Variants in ZBTB38 observed in about 807,000 individuals in gnomAD.
ZBTB38 encodes zinc finger and BTB domain containing 38.
Under a neutral mutation model 76.8 loss-of-function variants are expected in ZBTB38, and 20 were observed. That is an observed-to-expected ratio of 0.26 (90% CI 0.18 to 0.38). The LOEUF (loss-of-function observed/expected upper bound fraction) is 0.38, where lower values mean the gene tolerates loss of function less well. ZBTB38 is among the 10% of genes least tolerant of loss of function. The pLI is 1.00. For missense variants in ZBTB38, 1,082 were observed against 1,482.3 expected, an observed-to-expected ratio of 0.73 and a Z score of 4.43; for synonymous variants, 504 against 544.2, an observed-to-expected ratio of 0.93 and a Z score of 1.03.
intron 1 of ZBTB38, among the ~76,000 whole-genome samples, chr3:141,361,310 C>T (rs911652224): frequency 1.3e-5 from 2 of 152,080 alleles, no homozygotes; most frequent in African/African-American, 4.8e-5. Context: ...AATCATGCCT[C>T]TAAAAAAAGA....
At chr3:141,382,145 C>A (rs987552484) in intron 3 of ZBTB38, among the ~76,000 whole-genome samples, 2 of 152,164 alleles carry the variant, frequency 1.3e-5, no homozygotes, top group Admixed American at 6.5e-5. Context: ...ATCCTAGCTA[C>A]TCAGGAGGCT....
Position 141,442,246 on chromosome 3 carries a change from G to A in ZBTB38, c.1-143G>A, listed in dbSNP as rs373406355. ...GATTTAGCTTCTAATGTTGACTCTT[G>A]AGTCTCGGGAGCATCAACAGAATGA... On this transcript the variant is annotated intron_variant, in intron 5 of 5. Transcript: ENST00000321464. This position sits in a 1 kb window ranked among gnomAD's most constrained non-coding sequence, Gnocchi z 6.4. 1.5e-5 allele frequency: 9 copies of A among 619,672 alleles called. No homozygotes were observed. The African/African-American group carries it at 1.5e-4, about 10-fold the overall frequency. The allele number at this position is 619,672 out of a possible 1,614,324, so 38.4% of individuals were successfully genotyped here.
chr3:141,364,909 T>C (rs1284075164), upstream of ZBTB38, among the ~76,000 whole-genome samples: 1 of 152,078 alleles, frequency 6.6e-6, no homozygotes, highest in Non-Finnish European at 1.5e-5. Flanking sequence ...GGTGAGGATG[T>C]GGGGAAATCA....
intron 1 of ZBTB38, among the ~76,000 whole-genome samples, chr3:141,333,605 G>C (rs1250624611): frequency 5.3e-5 from 8 of 152,114 alleles, no homozygotes; most frequent in Non-Finnish European, 1.2e-4. Context: ...CACCAACAGG[G>C]CTGGCTGCAG....
chr3:141,385,559 T>C (rs1946861662), intron 3 of ZBTB38, among the ~76,000 whole-genome samples: 2 of 152,152 alleles, frequency 1.3e-5, no homozygotes, highest in African/African-American at 4.8e-5. Flanking sequence ...CGTATTTGCT[T>C]ATTAGGCATT....
At chr3:141,421,896 G>A (rs2150186842) in intron 5 of ZBTB38, among the ~76,000 whole-genome samples, 1 of 152,336 alleles carries the variant, frequency 6.6e-6, no homozygotes, top group Non-Finnish European at 1.5e-5. Context: ...GGCTACCTGG[G>A]ACCCAGGAGC....
At position 141,446,082 on chromosome 3, in the gene ZBTB38, T is replaced by TA; in HGVS notation, c.*106_*107insA. On this transcript the variant is annotated 3_prime_UTR_variant, in exon 6 of 6. Transcript: ENST00000321464. ...ATGTGACAGTCATGAAGGAGTGAAA[T>TA]TAAAAAAAAAAAAAACTCATTTGTG... 2 of 920,538 alleles carry TA rather than the reference T, an allele frequency of 2.2e-6. No individual in the cohort carries two copies. 57.0% of individuals were successfully genotyped at this position (920,538 alleles called of 1,614,324 possible).
chr3:141,429,581 C>G (rs900404976), intron 5 of ZBTB38, among the ~76,000 whole-genome samples: 2 of 152,336 alleles, frequency 1.3e-5, no homozygotes, highest in Non-Finnish European at 2.9e-5. Flanking sequence ...CCTAGAGAAG[C>G]AGCTCCTCCT....
rs987444935 is a variant in ZBTB38, at chr3:141,413,650, C to T, written c.-1+9619C>T. ...ACCGATAAAAACTCAGTGAGTGTTG[C>T]TTCCCCCGTTACACACCTGCTCATG... On this transcript the variant is annotated intron_variant, in intron 5 of 5. Transcript: ENST00000321464. This position sits in a 1 kb window ranked among gnomAD's most constrained non-coding sequence, Gnocchi z 4.1. 1.3e-5 allele frequency among the ~76,000 whole-genome samples: 2 copies of T among 152,186 alleles called. No homozygotes were observed. Among genetic ancestry groups the T allele is most frequent in the South Asian group, 2.1e-4 (1 of 4,832 alleles).
intron 1 of ZBTB38, among the ~76,000 whole-genome samples, chr3:141,348,251 A>G (rs911279376): frequency 5.3e-5 from 8 of 152,232 alleles, no homozygotes; most frequent in African/African-American, 1.9e-4. Context: ...ATGATAAATC[A>G]TAAGCCCGTG....
intron 4 of ZBTB38, among the ~76,000 whole-genome samples, chr3:141,396,965 G>A (rs753510771): frequency 6.6e-6 from 1 of 152,150 alleles, no homozygotes; most frequent in Non-Finnish European, 1.5e-5. Flanking sequence ...TTTTCATAAT[G>A]GTCAATGGGC....
At chr3:141,377,594 A>G (rs1357025943) in intron 2 of ZBTB38, among the ~76,000 whole-genome samples, 1 of 152,186 alleles carries the variant, frequency 6.6e-6, no homozygotes, top group East Asian at 1.9e-4. Context: ...CAGCAATCCT[A>G]CTCATGGGTA....
At chr3:141,395,400 A>G (rs551991556) in intron 4 of ZBTB38, among the ~76,000 whole-genome samples, 2 of 152,210 alleles carry the variant, frequency 1.3e-5, no homozygotes, top group South Asian at 4.1e-4. Context: ...GGTGATGTGG[A>G]ACTTTAGCGT....
At chr3:141,355,848 C>T (rs1943643392) in intron 1 of ZBTB38, among the ~76,000 whole-genome samples, 1 of 152,150 alleles carries the variant, frequency 6.6e-6, no homozygotes, top group South Asian at 2.1e-4. Context: ...GGGGCTTTAT[C>T]CTGGGAGCCC....
chr3:141,434,152 G>T (rs944462206), intron 5 of ZBTB38: 28 of 978,690 alleles, frequency 2.9e-5, no homozygotes, highest in Non-Finnish European at 3.3e-5. Flanking sequence ...ACCGTACATT[G>T]TAATGATGGG....
At chr3:141,340,618 C>T (rs1283520244) in intron 1 of ZBTB38, among the ~76,000 whole-genome samples, 1 of 152,134 alleles carries the variant, frequency 6.6e-6, no homozygotes, top group African/African-American at 2.4e-5. Context: ...AAGTGGTTGG[C>T]CGGGCGTGGT....
intron 2 of ZBTB38, among the ~76,000 whole-genome samples, chr3:141,371,306 C>A (rs1469005351): frequency 6.6e-6 from 1 of 151,802 alleles, no homozygotes; most frequent in Non-Finnish European, 1.5e-5. Context: ...CGGCCTTGGC[C>A]TGCCAAAGTG....
At position 141,426,206 on chromosome 3, in the gene ZBTB38, A is replaced by G. The variant is rs748742690; in HGVS notation, c.1-16183A>G. On this transcript the variant is annotated intron_variant, in intron 5 of 5. Transcript: ENST00000321464. ...ATAGTGTAGTCAGAAGTCACAGGCC[A>G]GGTCGTGCGGACTATATATCTTGGT... 1.6e-5 allele frequency: 21 copies of G among 1,289,214 alleles called. No homozygotes were observed. In the South Asian group the frequency reaches 2.6e-4, roughly 16 times the overall value. 79.9% of individuals were successfully genotyped at this position (1,289,214 alleles called of 1,614,324 possible). A position where few individuals can be genotyped will look rare whatever the true frequency, so the allele number is the denominator to read the frequency against.
intron 1 of ZBTB38, among the ~76,000 whole-genome samples, chr3:141,355,542 A>C (rs1943634471): frequency 6.6e-6 from 1 of 152,022 alleles, no homozygotes; most frequent in African/African-American, 2.4e-5. Flanking sequence ...TCCCCTGGCC[A>C]CAGGTTATCC....
Sources: allele counts gnomAD v4.1 joint callset (sites outside exome capture counted in the v4.1 genomes callset), GRCh38; gene constraint gnomAD v4.1.1; non-coding constraint Gnocchi (gnomAD v3.1); transcripts MANE v1.5; gene names NCBI Gene and HGNC (gene_info 2026-07-23, HGNC 2026-07-21).